TBC1D32: variants seen among roughly 807,000 people sequenced by gnomAD.
The protein encoded by TBC1D32 is TBC1 domain family member 32, also known as protein broad-minded.
In TBC1D32, 151 loss-of-function variants were observed where a neutral mutation model predicts 170.3. That is an observed-to-expected ratio of 0.89 (90% CI 0.78 to 1.01). The LOEUF is 1.01. Ranked by LOEUF, TBC1D32 falls within the 50% of genes least tolerant of loss-of-function variation. TBC1D32 has a pLI of 0.00. For missense variants in TBC1D32, 1,464 were observed against 1,457.1 expected, an observed-to-expected ratio of 1.00 and a Z score of -0.08; for synonymous variants, 498 against 488.0, an observed-to-expected ratio of 1.02 and a Z score of -0.27.
At chr6:121,089,747 C>T (rs139393172) in intron 31 of TBC1D32, among the ~76,000 whole-genome samples, 5 of 151,790 alleles carry the variant, frequency 3.3e-5, no homozygotes, top group African/African-American at 1.2e-4. Context: ...AGAAAAATAT[C>T]GTTAAATGGA....
intron 30 of TBC1D32, among the ~76,000 whole-genome samples, chr6:121,092,295 T>TG: frequency 1.7e-5 from 1 of 60,544 alleles, no homozygotes; most frequent in Non-Finnish European, 2.5e-5. Flanking sequence ...AGTTTTATGT[T>TG]TTTTTTTTTT....
chr6:121,081,784 T>G (rs1447728293), intron 31 of TBC1D32, among the ~76,000 whole-genome samples: 1 of 152,022 alleles, frequency 6.6e-6, no homozygotes, highest in Non-Finnish European at 1.5e-5. Flanking sequence ...AGAACAGATG[T>G]TTTTAAAGGC....
intron 1 of TBC1D32, among the ~76,000 whole-genome samples, chr6:121,327,227 C>T (rs1810573467): frequency 1.3e-5 from 2 of 152,220 alleles, no homozygotes; most frequent in Non-Finnish European, 2.9e-5. Flanking sequence ...CTCAGCATCA[C>T]GCAATATACC....
intron 24 of TBC1D32, among the ~76,000 whole-genome samples, chr6:121,158,436 G>C (rs1250610799): frequency 6.6e-6 from 1 of 152,096 alleles, no homozygotes; most frequent in South Asian, 2.1e-4. Flanking sequence ...TTCTAGGACT[G>C]GGTTTCAACT....
chr6:121,242,108 T>G, intron 18 of TBC1D32, 93 bp downstream of exon 18: 1 of 1,342,660 alleles, frequency 7.4e-7, no homozygotes, highest in Non-Finnish European at 1.0e-6. Flanking sequence ...AGAGGCTTAA[T>G]AACTTCTTCA....
At chr6:121,161,470 A>G (rs1785649915) in intron 22 of TBC1D32, among the ~76,000 whole-genome samples, 4 of 152,134 alleles carry the variant, frequency 2.6e-5, no homozygotes, top group South Asian at 2.1e-4. Context: ...TTCCATTCCT[A>G]TATTAATTTG....
intron 20 of TBC1D32, chr6:121,224,292 A>G (rs1021754378): frequency 3.3e-5 from 5 of 152,116 alleles, no homozygotes; most frequent in African/African-American, 2.4e-5. Context: ...AATTAACTCT[A>G]TGCACATCTA....
intron 15 of TBC1D32, among the ~76,000 whole-genome samples, chr6:121,263,225 C>A (rs7452966): frequency 0.88 from 131,813 of 150,172 alleles, 58,178 homozygotes; most frequent in East Asian, 0.97. Flanking sequence ...AAAAACAAAA[C>A]AAAAAAAAGA....
intron 29 of TBC1D32, among the ~76,000 whole-genome samples, chr6:121,107,202 A>G (rs1414500508): frequency 5.9e-5 from 9 of 151,972 alleles, no homozygotes; most frequent in Admixed American, 5.9e-4. Flanking sequence ...TAGCAATTAT[A>G]TGAGTTGAAA....
chr6:121,277,424 T>C (rs774251363), intron 15 of TBC1D32, among the ~76,000 whole-genome samples: 8 of 145,850 alleles, frequency 5.5e-5, no homozygotes, highest in Non-Finnish European at 1.2e-4. Flanking sequence ...GAAGGTGGAG[T>C]TTGCAGTGAG....
chr6:121,135,481 A>T (rs1320453693), intron 24 of TBC1D32, among the ~76,000 whole-genome samples: 1 of 152,176 alleles, frequency 6.6e-6, no homozygotes, highest in East Asian at 1.9e-4. Context: ...GTCTGAGAAA[A>T]GGGAAACCAA....
At chr6:121,120,493 T>C (rs942170216) in intron 26 of TBC1D32, among the ~76,000 whole-genome samples, 2 of 152,096 alleles carry the variant, frequency 1.3e-5, no homozygotes, top group African/African-American at 4.8e-5. Flanking sequence ...ATGCCCACTT[T>C]GGTCATGCAA....
At chr6:121,205,192 ATTT>A (rs778628697) in intron 21 of TBC1D32, 29 bp from the exon 22 acceptor site, 1 of 1,058,116 alleles carries the variant, frequency 9.5e-7, no homozygotes, top group South Asian at 1.7e-5. Context: ...ATGAGACTGT[ATTT>A]AACTGATATC....
intron 26 of TBC1D32, among the ~76,000 whole-genome samples, chr6:121,120,598 T>C (rs546575583): frequency 2.0e-5 from 3 of 152,102 alleles, no homozygotes; most frequent in South Asian, 4.1e-4. Flanking sequence ...TTTATGTTCA[T>C]TCATAAGTTC....
intron 24 of TBC1D32, among the ~76,000 whole-genome samples, chr6:121,134,429 T>A (rs962494129): frequency 6.6e-6 from 1 of 152,130 alleles, no homozygotes. Context: ...CAAGGCACTA[T>A]AATTGTAAAC....
chr6:121,244,382 C>T (rs1465192789), intron 17 of TBC1D32, among the ~76,000 whole-genome samples: 6 of 152,004 alleles, frequency 3.9e-5, no homozygotes, highest in Admixed American at 1.3e-4. Flanking sequence ...CATTATATGA[C>T]GTGAAAGAGT....
At position 121,139,087 on chromosome 6, in the gene TBC1D32, C is replaced by T. The variant is rs1040035610; in HGVS notation, c.2774-7335G>A. On this transcript the variant is annotated intron_variant, in intron 24 of 31. Transcript: ENST00000398212. The stretch of plus-strand genomic sequence containing the variant: ...GGTCTCCATCTCCTGACCTTGTGGT[C>T]CGCCCGCCTCGGCCTCCCAAAGTGC... 2.0e-5 allele frequency among the ~76,000 whole-genome samples: 3 copies of T among 152,234 alleles called. No individual in the cohort carries two copies. The East Asian group carries it at 5.8e-4, about 29-fold the overall frequency.
At chr6:121,124,812 C>T (rs2128210676) in intron 26 of TBC1D32, among the ~76,000 whole-genome samples, 2 of 151,784 alleles carry the variant, frequency 1.3e-5, no homozygotes, top group Admixed American at 1.3e-4. Context: ...TGTTGATGCT[C>T]TTTATTACAT....
chr6:121,131,615 C>G lies in TBC1D32; in HGVS notation c.2899+12G>C, dbSNP rs754887229. On this transcript the variant is annotated intron_variant, in intron 25 of 31. Transcript: ENST00000398212. ...TACATAAGAAAACCCACAATGGAAA[C>G]AATGTACTTACCCTCTCCACTGATT... 1 of 1,597,504 alleles carries G rather than the reference C, an allele frequency of 6.3e-7. No homozygotes were observed. Among genetic ancestry groups the G allele is most frequent in the East Asian group, 2.3e-5 (1 of 44,376 alleles).
Sources: gnomAD v4.1 joint callset for allele counts (sites outside exome capture counted in the v4.1 genomes callset) on GRCh38, gnomAD v4.1.1 for gene constraint, MANE v1.5 for transcripts, NCBI Gene and HGNC (gene_info 2026-07-23, HGNC 2026-07-21) for gene names.